The following UBOX5 variants were observed in gnomAD, a reference collection of about 807,000 sequenced individuals.
The protein encoded by UBOX5 is RING finger protein 37.
In UBOX5, 28 loss-of-function variants were observed where a neutral mutation model predicts 39.0. The ratio of observed to expected loss-of-function variants is 0.72; its 90% CI spans 0.53 to 0.98. The LOEUF (loss-of-function observed/expected upper bound fraction) is 0.98, where lower values mean the gene tolerates loss of function less well. Ranked by LOEUF, UBOX5 falls within the 50% of genes least tolerant of loss-of-function variation. UBOX5 has a pLI of 0.00. For missense variants in UBOX5, 585 were observed against 674.4 expected (o/e 0.87, Z 1.47); for synonymous variants, 283 against 275.5 (o/e 1.03, Z -0.27).
rs1021477316 is a variant in UBOX5 at position 3,149,462 on chromosome 20, G to A, written c.-42+10304C>T. Among the ~76,000 whole-genome samples the A allele has an allele frequency of 3.9e-5, 6 of 152,128 alleles. No homozygotes were observed. The highest frequency in any genetic ancestry group is 1.2e-4 in the African/African-American group (5 of 41,442). The stretch of plus-strand genomic sequence containing the variant: ...GGCCTAGGAAAACCCCCAACCCAGG[G>A]TACCCGTGGGCAGTTCCTGGACTGC... On this transcript the variant is annotated intron_variant, in intron 1 of 4. Coordinates refer to ENST00000217173, the MANE Select transcript of UBOX5 (RefSeq NM_014948.4). The surrounding 1 kb of genome is among the most constrained non-coding windows in gnomAD (Gnocchi z 4.1).
At chr20:3,136,647 G>T (rs1422619039) in intron 1 of UBOX5, among the ~76,000 whole-genome samples, 1 of 144,230 alleles carries the variant, frequency 6.9e-6, no homozygotes, top group East Asian at 2.1e-4. Context: ...GAGCCACTGT[G>T]CCCGGCCTTA....
At chr20:3,129,645 C>T (rs2066414750) in intron 1 of UBOX5, among the ~76,000 whole-genome samples, 1 of 152,178 alleles carries the variant, frequency 6.6e-6, no homozygotes, top group African/African-American at 2.4e-5. Context: ...AAGTCAGTTA[C>T]TGTTTTGTTT....
At chr20:3,117,963 G>A (rs184072332) in intron 3 of UBOX5, among the ~76,000 whole-genome samples, 2 of 152,222 alleles carry the variant, frequency 1.3e-5, no homozygotes, top group South Asian at 2.1e-4. Flanking sequence ...CTGCACTCCA[G>A]CCAGGGCGAC....
At chr20:3,145,829 T>C (rs1170955913) in intron 1 of UBOX5, among the ~76,000 whole-genome samples, 1 of 151,886 alleles carries the variant, frequency 6.6e-6, no homozygotes, top group Non-Finnish European at 1.5e-5. Flanking sequence ...GTGGATCATC[T>C]GAGGTCAGGA....
intron 1 of UBOX5, among the ~76,000 whole-genome samples, chr20:3,133,744 T>C (rs183466687): frequency 0.01 from 1,336 of 131,080 alleles, 5 homozygotes; most frequent in Non-Finnish European, 0.017. Flanking sequence ...TCTTTTTTTT[T>C]CTTATTTTTT....
chr20:3,139,530 C>A (rs902070273), intron 1 of UBOX5, among the ~76,000 whole-genome samples: 2 of 150,734 alleles, frequency 1.3e-5, no homozygotes, highest in Non-Finnish European at 3.0e-5. Flanking sequence ...GCTGGGATTA[C>A]AGGCACCCAC....
At chr20:3,129,260 C>A (rs1433397672) in intron 1 of UBOX5, among the ~76,000 whole-genome samples, 1 of 152,216 alleles carries the variant, frequency 6.6e-6, no homozygotes, top group African/African-American at 2.4e-5. Context: ...GTCCAAGTAG[C>A]TTCTCTTGCC....
At chr20:3,133,159 G>A (rs1476093898) in intron 1 of UBOX5, among the ~76,000 whole-genome samples, 1 of 152,090 alleles carries the variant, frequency 6.6e-6, no homozygotes, top group African/African-American at 2.4e-5. Context: ...CCAAACAGTA[G>A]GATTCCGTAA....
intron 1 of UBOX5, among the ~76,000 whole-genome samples, chr20:3,127,036 CAAAAAAAAAAAAAA>C (rs10579307): frequency 1.5e-5 from 1 of 66,154 alleles, no homozygotes; most frequent in Non-Finnish European, 2.7e-5. Context: ...AACTCCGTCT[CAAAAAAAAAAAAAA>C]AAAAAAAAAA....
At chr20:3,155,052 C>CAAAAAAAAAAAAAA (rs11326176) in intron 1 of UBOX5, among the ~76,000 whole-genome samples, 1 of 96,094 alleles carries the variant, frequency 1.0e-5, no homozygotes, top group African/African-American at 4.6e-5. Context: ...GACACAGTCT[C>CAAAAAAAAAAAAAA]AAAAAAAAAA....
intron 3 of UBOX5, among the ~76,000 whole-genome samples, chr20:3,116,209 A>G (rs145493833): frequency 0.011 from 1,745 of 152,288 alleles, 35 homozygotes; most frequent in African/African-American, 0.04. Context: ...CACCCCCCAG[A>G]GGGGTTCATC....
At chr20:3,124,089 A>G (rs1436118756) in intron 1 of UBOX5, among the ~76,000 whole-genome samples, 1 of 152,128 alleles carries the variant, frequency 6.6e-6, no homozygotes, top group East Asian at 1.9e-4. Flanking sequence ...TGTAGTCACA[A>G]CTATTTGGGA....
intron 1 of UBOX5, chr20:3,148,520 C>T (rs563356941): frequency 2.5e-5 from 41 of 1,614,134 alleles, no homozygotes; most frequent in Non-Finnish European, 3.3e-5. Context: ...AAAGCTGGTA[C>T]TGCCCAGCAA....
rs1284805714 is a variant in UBOX5 at position 3,121,832 on chromosome 20, C to T, written c.807G>A (p.Leu269=). The change falls in exon 3 of 5, where the codon CTG becomes CTA. Residue 269 remains leucine (L), a synonymous_variant. Coordinates refer to ENST00000217173, the MANE Select transcript of UBOX5 (RefSeq NM_014948.4). ...GCAGCATGGGACAAGGCATGATCTC[C>T]AGGGTGATGGGATCCAGGAACTCCT... is the stretch of plus-strand genomic sequence containing the variant. ...VPEEFLDPIT[L]EIMPCPMLLP... The T allele has an allele frequency of 2.5e-6, 4 of 1,614,112 alleles. No homozygotes were observed. Among genetic ancestry groups the T allele is most frequent in the African/African-American group, 1.3e-5 (1 of 75,070 alleles).
chr20:3,142,786 A>G (rs1243836200), intron 1 of UBOX5, among the ~76,000 whole-genome samples: 1 of 150,686 alleles, frequency 6.6e-6, no homozygotes, highest in Non-Finnish European at 1.5e-5. Flanking sequence ...AAAAAAAAAA[A>G]AAAAAAGAAA....
intron 1 of UBOX5, among the ~76,000 whole-genome samples, chr20:3,143,097 C>CTTT (rs35450698): frequency 1.1e-4 from 8 of 72,472 alleles, no homozygotes; most frequent in African/African-American, 2.7e-4. Context: ...AATCATCTGT[C>CTTT]TTTTTTTTTT....
rs1420820306 is a variant in UBOX5, at chr20:3,108,928, G to A, written c.*1178C>T. Reference sequence around the variant, plus strand: ...AGCTTGGGCAACAGAGACCAACCCTGTCTCAATTAAAAAAAAAAAAAAAAA... The same window carrying A: ...AGCTTGGGCAACAGAGACCAACCCTATCTCAATTAAAAAAAAAAAAAAAAA... On this transcript the variant is annotated 3_prime_UTR_variant, in exon 5 of 5. Coordinates refer to ENST00000217173, the MANE Select transcript of UBOX5 (RefSeq NM_014948.4). 4 of 123,954 alleles carry A rather than the reference G, an allele frequency of 3.2e-5. No homozygotes were observed. Among genetic ancestry groups the A allele is most frequent in the African/African-American group, 9.0e-5 (3 of 33,346 alleles). The allele number at this position is 123,954 out of a possible 1,614,324, so 7.7% of individuals were successfully genotyped here. A position where few individuals can be genotyped will look rare whatever the true frequency, so the allele number is the denominator to read the frequency against.
intron 3 of UBOX5, 83 bp downstream of exon 3, chr20:3,121,301 G>A (rs1600370725): frequency 1.3e-5 from 20 of 1,521,242 alleles, no homozygotes; most frequent in Non-Finnish European, 1.7e-5. Flanking sequence ...AGCTGGCCAA[G>A]CACAAAGCAA....
At position 3,148,401 on chromosome 20, in the gene UBOX5, T is replaced by C. The variant is rs144604664; in HGVS notation, c.-42+11365A>G. ...CACTTGGTCTCATACACATCTAGCATTGAATGGGAGTGAGGGATTCCTAAA... is the reference window on the plus strand; with the variant it reads ...CACTTGGTCTCATACACATCTAGCACTGAATGGGAGTGAGGGATTCCTAAA... On this transcript the variant is annotated intron_variant, in intron 1 of 4. Transcript: ENST00000217173. The C allele has an allele frequency of 1.5e-4, 246 of 1,614,162 alleles. No individual in the cohort carries two copies. The highest frequency in any genetic ancestry group is 1.9e-4 in the Non-Finnish European group (225 of 1,180,022).
Sources: allele counts gnomAD v4.1 joint callset (sites outside exome capture counted in the v4.1 genomes callset), GRCh38; gene constraint gnomAD v4.1.1; non-coding constraint Gnocchi (gnomAD v3.1); transcripts MANE v1.5; gene names NCBI Gene and HGNC (gene_info 2026-07-23, HGNC 2026-07-21).